The following SMG6 variants were observed in gnomAD, a reference collection of about 807,000 sequenced individuals.
SMG6 encodes the protein telomerase-binding protein EST1A.
In SMG6, 66 loss-of-function variants were observed where a neutral mutation model predicts 142.2. The observed-to-expected ratio is 0.46, with a 90% CI of 0.38 to 0.57. SMG6 has a LOEUF of 0.57. Ranked by LOEUF, SMG6 falls within the 20% of genes least tolerant of loss-of-function variation. SMG6 has a pLI of 0.00. For synonymous variants in SMG6, 779 were observed against 702.4 expected (o/e 1.11, Z -1.72); for missense variants, 1,793 against 1,832.0 (o/e 0.98, Z 0.39).
intron 10 of SMG6, among the ~76,000 whole-genome samples, chr17:2,200,541 C>T (rs72817594): frequency 1.8e-4 from 27 of 146,304 alleles, no homozygotes; most frequent in Non-Finnish European, 3.0e-4. Flanking sequence ...AAAAAAAAAA[C>T]TTTTTGTAGA....
In SMG6 at chr17:2,223,602, AAC is replaced by A. The variant is rs376290783; in HGVS notation, c.2869+12888_2869+12889del. On this transcript the variant is annotated intron_variant, in intron 10 of 18. Transcript: ENST00000263073. Reference sequence around the variant, plus strand: ...ATATATAATGTGATGTAGCTGAAACAACAGAGTACTCTTTTCCAAATCTCTAA... The same window carrying A: ...ATATATAATGTGATGTAGCTGAAACAAGAGTACTCTTTTCCAAATCTCTAA... Among the ~76,000 whole-genome samples the A allele has an allele frequency of 6.0e-4, 92 of 152,288 alleles. 1 individual carries two copies. Among genetic ancestry groups the A allele is most frequent in the African/African-American group, 2.0e-3 (85 of 41,562 alleles).
At chr17:2,078,795 G>A (rs2068330647) in intron 15 of SMG6, among the ~76,000 whole-genome samples, 1 of 152,160 alleles carries the variant, frequency 6.6e-6, no homozygotes, top group Non-Finnish European at 1.5e-5. Context: ...GGCGAACAGG[G>A]AGAAGACAAG....
At chr17:2,115,715 ATT>A (rs1023366522) in intron 13 of SMG6, among the ~76,000 whole-genome samples, 2 of 152,028 alleles carry the variant, frequency 1.3e-5, no homozygotes, top group African/African-American at 4.8e-5. Context: ...ATAGGCAAAC[ATT>A]TCTCTTTTTT....
intron 15 of SMG6, among the ~76,000 whole-genome samples, chr17:2,076,684 G>A (rs888127782): frequency 6.6e-6 from 1 of 152,190 alleles, no homozygotes; most frequent in Non-Finnish European, 1.5e-5. Flanking sequence ...GAAGGGCCCC[G>A]GGCATTAAAG....
At chr17:2,289,598 A>C (rs994695803) in intron 6 of SMG6, among the ~76,000 whole-genome samples, 1 of 152,032 alleles carries the variant, frequency 6.6e-6, no homozygotes, top group African/African-American at 2.4e-5. Flanking sequence ...TAAGAGGATA[A>C]ATTCTATGAG....
At chr17:2,198,621 T>G (rs892832902) in intron 10 of SMG6, among the ~76,000 whole-genome samples, 1 of 152,210 alleles carries the variant, frequency 6.6e-6, no homozygotes, top group African/African-American at 2.4e-5. Flanking sequence ...GACCTCTCTG[T>G]ACATTTTTAA....
intron 15 of SMG6, among the ~76,000 whole-genome samples, chr17:2,069,365 T>G (rs2068035523): frequency 1.3e-5 from 2 of 151,718 alleles, no homozygotes; most frequent in South Asian, 4.2e-4. Context: ...TACTTCACTG[T>G]GTAGCTAAAA....
intron 13 of SMG6, among the ~76,000 whole-genome samples, chr17:2,113,602 G>T (rs189290783): frequency 6.6e-6 from 1 of 152,260 alleles, no homozygotes; most frequent in African/African-American, 2.4e-5. Flanking sequence ...GAGCTATATG[G>T]CATTCTTATC....
At chr17:2,263,246 C>A (rs1423521498) in intron 8 of SMG6, among the ~76,000 whole-genome samples, 1 of 152,160 alleles carries the variant, frequency 6.6e-6, no homozygotes, top group African/African-American at 2.4e-5. Context: ...CCATTTTCTA[C>A]TAAGAGCAGA....
intron 12 of SMG6, among the ~76,000 whole-genome samples, chr17:2,185,791 G>A (rs1160405309): frequency 2.6e-5 from 4 of 152,040 alleles, no homozygotes; most frequent in African/African-American, 9.7e-5. Flanking sequence ...GAGAAGACAG[G>A]GGGCGAGGGG....
rs772515211 is a variant in SMG6 at position 2,272,322 on chromosome 17, T to C, written c.2661+10325A>G. 2.7e-4 allele frequency among the ~76,000 whole-genome samples: 41 copies of C among 152,160 alleles called. 1 individual carries two copies. Among genetic ancestry groups the C allele is most frequent in the Non-Finnish European group, 4.4e-4 (30 of 68,032 alleles). ...TTCCAGGAAGCCTTCTGAATTCACT[T>C]TCCTCTCTCCTCACCCCAAACCATG... On this transcript the variant is annotated intron_variant, in intron 8 of 18. Coordinates refer to ENST00000263073, the MANE Select transcript of SMG6 (RefSeq NM_017575.5).
chr17:2,183,563 A>C (rs1445174694), intron 12 of SMG6, among the ~76,000 whole-genome samples: 4 of 152,214 alleles, frequency 2.6e-5, no homozygotes, highest in African/African-American at 7.2e-5. Context: ...CCATAGACAC[A>C]GTGTAAACAA....
chr17:2,193,552 G>C (rs924209527), intron 10 of SMG6, among the ~76,000 whole-genome samples: 1 of 152,066 alleles, frequency 6.6e-6, no homozygotes, highest in Non-Finnish European at 1.5e-5. Flanking sequence ...GGAAATATGG[G>C]GGCAAAGGAA....
intron 13 of SMG6, among the ~76,000 whole-genome samples, chr17:2,140,393 C>T (rs1282067940): frequency 2.6e-5 from 4 of 152,148 alleles, no homozygotes; most frequent in Admixed American, 6.5e-5. Flanking sequence ...ATATCCAGGC[C>T]GGGTACGATG....
rs776540084 is a variant in SMG6 at position 2,065,509 on chromosome 17, C to T, written c.4006G>A (p.Glu1336Lys). The T allele has an allele frequency of 3.1e-6, 5 of 1,613,728 alleles. No homozygotes were observed. The highest frequency in any genetic ancestry group is 2.2e-5 in the East Asian group (1 of 44,886). Residue 1336 changes from glutamate to lysine, a missense_variant, in exon 17 of 19, where the codon GAA (glutamate) becomes AAA (lysine). Physicochemically the swap from Glu to Lys is moderately conservative, Grantham distance 56. Around this residue, in one of 3 missense-constraint regions of SMG6, gnomAD observed 179 missense variants for 212.6 expected, o/e 0.84. Coordinates refer to ENST00000263073, the MANE Select transcript of SMG6 (RefSeq NM_017575.5). Reference sequence around the variant, plus strand: ...TCCTCACTGCGGAAGGCGATGGATTCGAGTTCATTGCCACGGCTGGTCAGG... The same window carrying T: ...TCCTCACTGCGGAAGGCGATGGATTTGAGTTCATTGCCACGGCTGGTCAGG... ...RALTSRGNEL[E>K]SIAFRSEDIT...
chr17:2,255,288 C>T (rs2074141805), intron 8 of SMG6, among the ~76,000 whole-genome samples: 3 of 149,768 alleles, frequency 2.0e-5, no homozygotes, highest in Admixed American at 1.3e-4. Flanking sequence ...CCTGTAGTCC[C>T]AGCTACTCGG....
intron 13 of SMG6, among the ~76,000 whole-genome samples, chr17:2,172,336 G>C (rs2071530151): frequency 6.6e-6 from 1 of 152,038 alleles, no homozygotes; most frequent in South Asian, 2.1e-4. Context: ...GGAGAAAGGA[G>C]GGTGCTTTAA....
chr17:2,211,167 C>T (rs1026584978), intron 10 of SMG6, among the ~76,000 whole-genome samples: 3 of 145,702 alleles, frequency 2.1e-5, no homozygotes, highest in African/African-American at 7.6e-5. Context: ...GACTGGACAA[C>T]AGTTCAAAGG....
rs77814803 is a variant in SMG6 at position 2,265,866 on chromosome 17, C to T, written c.2661+16781G>A. 4.3e-3 allele frequency: 1,732 copies of T among 405,276 alleles called. 33 individuals carry two copies. Among genetic ancestry groups the T allele is most frequent in the African/African-American group, 0.034 (1,557 of 46,120 alleles). 25.1% of individuals were successfully genotyped at this position (405,276 alleles called of 1,614,324 possible). On this transcript the variant is annotated intron_variant, in intron 8 of 18. Transcript: ENST00000263073. ...AAAGTGTGATGGAGTATGCTATAAA[C>T]AACACCAATAATGCATATGACAATC...
Sources: allele counts gnomAD v4.1 joint callset (sites outside exome capture counted in the v4.1 genomes callset), GRCh38; gene constraint gnomAD v4.1.1; regional missense constraint gnomAD v4.1.1; transcripts MANE v1.5; gene names NCBI Gene and HGNC (gene_info 2026-07-23, HGNC 2026-07-21).